Variants in SPNS2 observed in about 807,000 individuals in gnomAD.
SPNS2 encodes the protein SPNS lysolipid transporter 2, sphingosine-1-phosphate, also known as sphingosine-1-phosphate transporter SPNS2.
A neutral mutation model predicts 57.6 loss-of-function variants in SPNS2; 37 were observed. That is an observed-to-expected ratio of 0.64 (90% CI 0.49 to 0.85). SPNS2 has a LOEUF of 0.85. Among genes scored for constraint, SPNS2 ranks in the 40% least tolerant of loss-of-function variants. The pLI is 0.00. For synonymous variants in SPNS2, 440 were observed against 346.9 expected, an observed-to-expected ratio of 1.27 and a Z score of -2.98; for missense variants, 831 against 779.1, an observed-to-expected ratio of 1.07 and a Z score of -0.79.
Position 4,531,033 on chromosome 17 carries a change from CGT to C in SPNS2, c.726-15_726-14del, listed in dbSNP as rs748512336. Reference sequence around the variant, plus strand: ...CAGCCCCTGTCTCTGCTCAGCCTGACGTGTGTCTCTTCTCTGCAGTGGCCTGG... The same window carrying C: ...CAGCCCCTGTCTCTGCTCAGCCTGACGTGTCTCTTCTCTGCAGTGGCCTGG... On this transcript the variant is annotated intron_variant, in intron 4 of 12. Coordinates refer to ENST00000329078, the MANE Select transcript of SPNS2 (RefSeq NM_001124758.3). 3.6e-5 allele frequency: 58 copies of C among 1,613,442 alleles called. No individual in the cohort carries two copies. In the South Asian group the frequency reaches 5.2e-4, roughly 14 times the overall value.
chr17:4,515,420 G>T (rs1166570341), intron 2 of SPNS2, among the ~76,000 whole-genome samples: 1 of 152,122 alleles, frequency 6.6e-6, no homozygotes, highest in Non-Finnish European at 1.5e-5. Context: ...CCATAGGCTG[G>T]GGGGGAGCCT....
At chr17:4,537,316 GCACGAGACC>G in intron 12 of SPNS2, 128 bp from the exon 13 acceptor site, 1 of 418,410 alleles carries the variant, frequency 2.4e-6, no homozygotes, top group Non-Finnish European at 4.6e-6. Context: ...CTTCCCAGCA[GCACGAGACC>G]CAGGGTCACA....
intron 3 of SPNS2, 150 bp from the exon 4 acceptor site, chr17:4,530,481 TG>T: frequency 1.2e-6 from 1 of 823,670 alleles, no homozygotes; most frequent in Non-Finnish European, 1.8e-6. Context: ...CTGGGGGAGG[TG>T]GTCTTTACGG....
At chr17:4,525,341 G>A in intron 3 of SPNS2, 148 bp downstream of exon 3, 3 of 1,203,066 alleles carry the variant, frequency 2.5e-6, no homozygotes, top group East Asian at 2.4e-5. Flanking sequence ...AAGGACAGGT[G>A]GTCTTCGGGT....
At chr17:4,514,286 C>T (rs1277307646) in intron 2 of SPNS2, among the ~76,000 whole-genome samples, 1 of 152,196 alleles carries the variant, frequency 6.6e-6, no homozygotes, top group African/African-American at 2.4e-5. Context: ...CTGTGAGCCC[C>T]CGTCAGATGC....
Position 4,533,098 on chromosome 17 carries a change from T to C in SPNS2, c.1057T>C (p.Cys353Arg). The change falls in exon 7 of 13, where the codon TGC (cysteine) becomes CGC (arginine). Residue 353 changes from cysteine (C) to arginine (R), a missense_variant. Around this residue, in one of 2 missense-constraint regions of SPNS2, gnomAD observed 526 missense variants for 400.9 expected, o/e 1.31. Transcript: ENST00000329078. ...AGTTGTGCAGAAGACAGCAGAGACG[T>C]GCAACAGCCCGCCCTGTGGGGCCAA... ...AQVVQKTAET[C>R]NSPPCGAKDS... The C allele has an allele frequency of 6.2e-7, 1 of 1,612,470 alleles. No individual in the cohort carries two copies. The highest frequency in any genetic ancestry group is 1.1e-5 in the South Asian group (1 of 90,976).
In SPNS2 at chr17:4,536,165, C is replaced by A; in HGVS notation, c.1434C>A (p.Leu478=). ...HLLGDAGSPY[L]IGFISDLIRQ... ...TGGGGGACGCCGGGAGCCCCTACCT[C>A]ATTGGCTTTGTGAGTAGCCCCGGGG... The change falls in exon 10 of 13, where the codon CTC becomes CTA. Residue 478 remains leucine, a synonymous_variant. Transcript: ENST00000329078. The A allele has an allele frequency of 1.2e-6, 2 of 1,611,994 alleles. No homozygotes were observed. The highest frequency in any genetic ancestry group is 1.7e-6 in the Non-Finnish European group (2 of 1,179,538).
At chr17:4,537,032 A>G in intron 12 of SPNS2, 86 bp downstream of exon 12, 1 of 1,429,082 alleles carries the variant, frequency 7.0e-7, no homozygotes, top group Non-Finnish European at 9.7e-7. Context: ...TTTCCTCCAG[A>G]GTCACCTCCT....
At chr17:4,507,593 C>T (rs1904716325) in intron 1 of SPNS2, among the ~76,000 whole-genome samples, 1 of 152,144 alleles carries the variant, frequency 6.6e-6, no homozygotes, top group Non-Finnish European at 1.5e-5. Context: ...ATGTTATTTC[C>T]CCAAGGTCAC....
Position 4,512,002 on chromosome 17 carries a change from T to C in SPNS2, c.371-1245T>C, listed in dbSNP as rs184268060. ...CCTGACTTCCTATGCTCCAGTTTCC[T>C]CATCTGTCAACTTGGATCCTAGTAC... On this transcript the variant is annotated intron_variant, in intron 1 of 12. Transcript: ENST00000329078. The surrounding 1 kb of genome is among the most constrained non-coding windows in gnomAD (Gnocchi z 5.2). Among the ~76,000 whole-genome samples, 1 of 152,310 alleles carries C rather than the reference T, an allele frequency of 6.6e-6. No homozygotes were observed. The highest frequency in any genetic ancestry group is 6.5e-5 in the Admixed American group (1 of 15,304).
intron 3 of SPNS2, among the ~76,000 whole-genome samples, chr17:4,527,381 A>G (rs1905285582): frequency 6.6e-6 from 1 of 152,254 alleles, no homozygotes; most frequent in Non-Finnish European, 1.5e-5. Context: ...TTAGTGTAGG[A>G]TGAAAGTTGC....
In SPNS2 at chr17:4,513,363, G is replaced by T. The variant is rs1433183424; in HGVS notation, c.436+51G>T. On this transcript the variant is annotated intron_variant, in intron 2 of 12. Transcript: ENST00000329078. ...CCCACGCCCAGGCGTTGGCGTCGTGGGTCCTGTCCTGTTGGTCGTCATCTG... is the reference window on the plus strand; with the variant it reads ...CCCACGCCCAGGCGTTGGCGTCGTGTGTCCTGTCCTGTTGGTCGTCATCTG... 3 of 1,595,036 alleles carry T rather than the reference G, an allele frequency of 1.9e-6. No individual in the cohort carries two copies. The African/African-American group carries it at 4.0e-5, about 21-fold the overall frequency.
intron 2 of SPNS2, among the ~76,000 whole-genome samples, chr17:4,514,085 C>T (rs1279835027): frequency 1.3e-5 from 2 of 152,238 alleles, no homozygotes; most frequent in Non-Finnish European, 2.9e-5. Context: ...GGCTCCCTGG[C>T]CTTCCCACTG....
At chr17:4,500,547 G>A (rs535765890) in intron 1 of SPNS2, among the ~76,000 whole-genome samples, 32 of 152,204 alleles carry the variant, frequency 2.1e-4, no homozygotes, top group Admixed American at 3.9e-4. Context: ...CAGAACCTGC[G>A]TAACTATAGC....
chr17:4,530,861 G>C, intron 4 of SPNS2, 78 bp downstream of exon 4: 1 of 1,553,680 alleles, frequency 6.4e-7, no homozygotes, highest in Non-Finnish European at 8.7e-7. Flanking sequence ...CCCACTCCCT[G>C]GGGTTCTAGC....
At position 4,513,291 on chromosome 17, in the gene SPNS2, G is replaced by T. The variant is rs780575490; in HGVS notation, c.415G>T (p.Gly139Cys). 1 of 1,613,906 alleles carries T rather than the reference G, an allele frequency of 6.2e-7. No homozygotes were observed. Among genetic ancestry groups the T allele is most frequent in the Non-Finnish European group, 8.5e-7 (1 of 1,179,888 alleles). The part of the protein sequence containing the change: ...IQQHFGVKDR[G>C]AGLLQSVFIC... ...GCAGCACTTTGGGGTCAAGGACCGAGGCGCCGGCCTGCTGCAGTCAGGTGA... is the reference window on the plus strand; with the variant it reads ...GCAGCACTTTGGGGTCAAGGACCGATGCGCCGGCCTGCTGCAGTCAGGTGA... The change falls in exon 2 of 13, where the codon GGC (glycine) becomes TGC (cysteine). Residue 139 changes from glycine (G) to cysteine (C), a missense_variant. Around this residue, in one of 2 missense-constraint regions of SPNS2, gnomAD observed 305 missense variants for 378.3 expected, o/e 0.81. Coordinates refer to ENST00000329078, the MANE Select transcript of SPNS2 (RefSeq NM_001124758.3).
At chr17:4,523,339 A>G (rs960351710) in intron 2 of SPNS2, among the ~76,000 whole-genome samples, 2 of 151,718 alleles carry the variant, frequency 1.3e-5, no homozygotes, top group African/African-American at 2.4e-5. Context: ...TCAAGAGGCT[A>G]AGGCAGGAGA....
rs769678281 is a variant in SPNS2, at chr17:4,525,040, C to T, written c.437-17C>T. 4.3e-5 allele frequency: 69 copies of T among 1,610,060 alleles called. No individual in the cohort carries two copies. Among genetic ancestry groups the T allele is most frequent in the Non-Finnish European group, 5.6e-5 (66 of 1,176,670 alleles). On this transcript the variant is annotated splice_polypyrimidine_tract_variant and intron_variant, in intron 2 of 12. Coordinates refer to ENST00000329078, the MANE Select transcript of SPNS2 (RefSeq NM_001124758.3). Reference sequence around the variant, plus strand: ...GCAGGGACCTGGGCCCCCCCTCAAGCTCTCCTCTCCCTGCAGTGTTCATCT... The same window carrying T: ...GCAGGGACCTGGGCCCCCCCTCAAGTTCTCCTCTCCCTGCAGTGTTCATCT...
chr17:4,530,836 G>C (rs1366707340), intron 4 of SPNS2, 53 bp downstream of exon 4: 3 of 1,582,240 alleles, frequency 1.9e-6, no homozygotes, highest in Non-Finnish European at 2.6e-6. Flanking sequence ...AGGTTCCCTT[G>C]GACTTCTGAG....
Sources: gnomAD v4.1 joint callset for allele counts (sites outside exome capture counted in the v4.1 genomes callset) on GRCh38, gnomAD v4.1.1 for gene constraint, gnomAD v4.1.1 regional missense constraint, Gnocchi (gnomAD v3.1) non-coding constraint, MANE v1.5 for transcripts, NCBI Gene and HGNC (gene_info 2026-07-23, HGNC 2026-07-21) for gene names.